FSTL4: variants seen among roughly 807,000 people sequenced by gnomAD.
The protein encoded by FSTL4 is follistatin like 4.
In FSTL4, 28 loss-of-function variants were observed where a neutral mutation model predicts 78.2. That is an observed-to-expected ratio of 0.36 (90% CI 0.27 to 0.49). The LOEUF is 0.49. Among genes scored for constraint, FSTL4 ranks in the 20% least tolerant of loss-of-function variants. FSTL4 has a pLI of 0.98. For synonymous variants in FSTL4, 422 were observed against 440.5 expected, an observed-to-expected ratio of 0.96 and a Z score of 0.53; for missense variants, 922 against 1,084.9, an observed-to-expected ratio of 0.85 and a Z score of 2.11.
chr5:133,548,175 G>A (rs966474894), intron 3 of FSTL4, among the ~76,000 whole-genome samples: 3 of 152,286 alleles, frequency 2.0e-5, no homozygotes, highest in Middle Eastern at 3.4e-3. Context: ...ACTTTTCTGA[G>A]TTCTGTGAGT....
intron 14 of FSTL4, among the ~76,000 whole-genome samples, chr5:133,206,815 T>G (rs1331385159): frequency 6.6e-6 from 1 of 152,144 alleles, no homozygotes; most frequent in Admixed American, 6.5e-5. Flanking sequence ...CTCTATTCTT[T>G]CTTGCAAGTT....
intron 2 of FSTL4, among the ~76,000 whole-genome samples, chr5:133,571,253 A>T (rs762721304): frequency 1.3e-5 from 2 of 152,206 alleles, no homozygotes; most frequent in Non-Finnish European, 2.9e-5. Flanking sequence ...AATTATTCCT[A>T]TTCTTGAGTA....
chr5:133,423,865 G>A (rs1756750386), intron 3 of FSTL4, among the ~76,000 whole-genome samples: 1 of 152,196 alleles, frequency 6.6e-6, no homozygotes. Flanking sequence ...AGTACTCGGT[G>A]GTGCACAAGA....
the FSTL4 span, among the ~76,000 whole-genome samples, chr5:133,787,992 G>A: frequency 6.6e-6 from 1 of 152,234 alleles, no homozygotes; most frequent in Non-Finnish European, 1.5e-5. Flanking sequence ...GAATGACTGA[G>A]AGTCACTCTG....
intron 2 of FSTL4, among the ~76,000 whole-genome samples, chr5:133,600,265 A>G (rs1165471759): frequency 3.9e-5 from 6 of 152,182 alleles, no homozygotes; most frequent in Non-Finnish European, 8.8e-5. Context: ...GGCTAATGTC[A>G]GTGTTCTGAG....
chr5:133,788,849 C>G, the FSTL4 span, among the ~76,000 whole-genome samples: 1 of 152,124 alleles, frequency 6.6e-6, no homozygotes, highest in Non-Finnish European at 1.5e-5. Context: ...ATGGACAGAG[C>G]CAAAATCAAT....
the FSTL4 span, among the ~76,000 whole-genome samples, chr5:133,814,297 C>T: frequency 6.6e-6 from 1 of 152,098 alleles, no homozygotes; most frequent in Non-Finnish European, 1.5e-5. Flanking sequence ...GGAGGTTGCA[C>T]GGAAGCCACG....
At chr5:133,649,751 T>A in the FSTL4 span, among the ~76,000 whole-genome samples, 1 of 152,198 alleles carries the variant, frequency 6.6e-6, no homozygotes, top group Non-Finnish European at 1.5e-5. Context: ...GTATTTTGAA[T>A]AAGGGTCCTT....
chr5:133,620,778 T>C, the FSTL4 span, among the ~76,000 whole-genome samples: 5 of 152,310 alleles, frequency 3.3e-5, no homozygotes, highest in African/African-American at 1.2e-4. Flanking sequence ...TTCAGTCTTT[T>C]ATTATAAATG....
intron 6 of FSTL4, among the ~76,000 whole-genome samples, chr5:133,273,558 G>A (rs930923422): frequency 4.0e-4 from 61 of 152,158 alleles, no homozygotes; most frequent in African/African-American, 1.4e-3. Context: ...GAAGAAGTTG[G>A]CAGCCCTGTT....
At chr5:133,243,167 T>A (rs971567513) in intron 7 of FSTL4, among the ~76,000 whole-genome samples, 3 of 152,216 alleles carry the variant, frequency 2.0e-5, no homozygotes, top group African/African-American at 7.2e-5. Context: ...TCTAATGGGT[T>A]TTGTTTTTTG....
At chr5:133,760,994 T>C in the FSTL4 span, among the ~76,000 whole-genome samples, 1 of 152,286 alleles carries the variant, frequency 6.6e-6, no homozygotes, top group African/African-American at 2.4e-5. Flanking sequence ...GGAAGCTCCT[T>C]GCACACAGAC....
the FSTL4 span, among the ~76,000 whole-genome samples, chr5:133,769,875 C>G: frequency 1.3e-5 from 2 of 152,032 alleles, no homozygotes; most frequent in Non-Finnish European, 2.9e-5. Context: ...CCTTTTGTAG[C>G]CTTTGGTGTC....
the FSTL4 span, among the ~76,000 whole-genome samples, chr5:133,744,776 G>A: frequency 3.3e-5 from 5 of 152,204 alleles, no homozygotes; most frequent in Non-Finnish European, 4.4e-5. Context: ...TCGGTGGGAC[G>A]TGGGAACTCG....
At chr5:133,441,081 T>C (rs192858457) in intron 3 of FSTL4, among the ~76,000 whole-genome samples, 9 of 152,126 alleles carry the variant, frequency 5.9e-5, no homozygotes, top group African/African-American at 1.4e-4. Context: ...AGTGATATCC[T>C]AGGAAGCACT....
intron 4 of FSTL4, among the ~76,000 whole-genome samples, chr5:133,397,882 T>A (rs1178427775): frequency 2.0e-5 from 3 of 152,218 alleles, no homozygotes; most frequent in Non-Finnish European, 4.4e-5. Context: ...TTTGCTTGCA[T>A]GAAAAACAAG....
chr5:133,350,652 A>G (rs1754802461), intron 4 of FSTL4, among the ~76,000 whole-genome samples: 1 of 152,226 alleles, frequency 6.6e-6, no homozygotes, highest in African/African-American at 2.4e-5. Flanking sequence ...ATGTAAAAGA[A>G]TACAGAGGCG....
the FSTL4 span, among the ~76,000 whole-genome samples, chr5:133,791,068 GC>G: frequency 3.9e-5 from 6 of 152,178 alleles, no homozygotes; most frequent in Non-Finnish European, 8.8e-5. Context: ...CTCTGCTGTA[GC>G]CACACTGCCT....
At chr5:133,527,242 G>T (rs896475614) in intron 3 of FSTL4, among the ~76,000 whole-genome samples, 7 of 152,120 alleles carry the variant, frequency 4.6e-5, no homozygotes, top group Non-Finnish European at 1.0e-4. Flanking sequence ...AAATTGAGGG[G>T]TATATTTTAG....
Sources: allele counts gnomAD v4.1 joint callset (sites outside exome capture counted in the v4.1 genomes callset), GRCh38; gene constraint gnomAD v4.1.1; transcripts MANE v1.5; gene names NCBI Gene and HGNC (gene_info 2026-07-23, HGNC 2026-07-21).